Variants in RUVBL1 observed in about 807,000 individuals in gnomAD.
RUVBL1 encodes the protein ruvB-like 1.
Under a neutral mutation model 52.4 loss-of-function variants are expected in RUVBL1, and 4 were observed. That is an observed-to-expected ratio of 0.08 (90% CI 0.04 to 0.17). The LOEUF (loss-of-function observed/expected upper bound fraction) is 0.17. Among genes scored for constraint, RUVBL1 ranks in the 10% least tolerant of loss-of-function variants. The pLI, the probability that RUVBL1 is intolerant of heterozygous loss-of-function variation, is 1.00. For synonymous variants in RUVBL1, 217 were observed against 214.4 expected (o/e 1.01, Z -0.10); for missense variants, 298 against 572.8 (o/e 0.52, Z 4.90).
At chr3:128,080,614 C>G (rs571802846), downstream of RUVBL1, among the ~76,000 whole-genome samples, 4 of 152,210 alleles carry the variant, frequency 2.6e-5, no homozygotes, top group Non-Finnish European at 4.4e-5. Context: ...AGAAAAGCAT[C>G]AGACAAACCC....
chr3:128,127,974 G>A (rs1464799894), upstream of RUVBL1, among the ~76,000 whole-genome samples: 4 of 152,082 alleles, frequency 2.6e-5, no homozygotes, highest in African/African-American at 9.7e-5. Flanking sequence ...TCCAGCCTGG[G>A]CGACAGAGTG....
chr3:128,153,487 G>A (rs1175296844), exon 1 of RUVBL1: 2 of 1,476,910 alleles, frequency 1.4e-6, no homozygotes, highest in Non-Finnish European at 1.8e-6. Flanking sequence ...CCGGGCGGGT[G>A]TCCGAGGCGG....
chr3:128,149,801 A>G (rs1944159630), intron 1 of RUVBL1, among the ~76,000 whole-genome samples: 1 of 152,192 alleles, frequency 6.6e-6, no homozygotes, highest in Admixed American at 6.5e-5. Flanking sequence ...TGTAACACCA[A>G]TCTCAGCATT....
chr3:128,067,237 A>C lies in RUVBL1; in HGVS notation c.940-2017T>G. On this transcript the variant is annotated intron_variant, in intron 9 of 9. Transcript: ENST00000464873. This position sits in a 1 kb window ranked among gnomAD's most constrained non-coding sequence, Gnocchi z 4.1. ...TGTCTTGCTCATGAACAGATATTTCATCCAAAGATATTTTCCATTGTGCCT... is the reference window on the plus strand; with the variant it reads ...TGTCTTGCTCATGAACAGATATTTCCTCCAAAGATATTTTCCATTGTGCCT... 1 of 1,377,708 alleles carries C rather than the reference A, an allele frequency of 7.3e-7. No homozygotes were observed. The highest frequency in any genetic ancestry group is 1.0e-6 in the Non-Finnish European group (1 of 980,048). The allele number at this position is 1,377,708 out of a possible 1,614,324, so 85.3% of individuals were successfully genotyped here. A position where few individuals can be genotyped will look rare whatever the true frequency, so the allele number is the denominator to read the frequency against.
At position 128,082,854 on chromosome 3, in the gene RUVBL1, C is replaced by A. The variant is rs189075127; in HGVS notation, c.1120-280G>T. ...GGTGCCCAAGGAGGTATGCAGCTTC[C>A]CAAGTGGCTCACTCTTGCCTCCATG... On this transcript the variant is annotated intron_variant, in intron 9 of 10. Coordinates refer to ENST00000322623, the MANE Select transcript of RUVBL1 (RefSeq NM_003707.3). This position sits in a 1 kb window ranked among gnomAD's most constrained non-coding sequence, Gnocchi z 4.7. 5.8e-4 allele frequency: 175 copies of A among 303,340 alleles called. No individual in the cohort carries two copies. The East Asian group carries it at 0.012, about 21-fold the overall frequency. The allele number at this position is 303,340 out of a possible 1,614,324, so 18.8% of individuals were successfully genotyped here.
rs558962356 is a variant in RUVBL1 at position 128,065,867 on chromosome 3, G to A, written c.940-647C>T. ...AGCGATTCTCCTGCCTCAGCCTCCC[G>A]AGTAGATGGGATTACAGGTGCCTGT... On this transcript the variant is annotated intron_variant, in intron 9 of 9. Transcript: ENST00000464873. Among the ~76,000 whole-genome samples, 14 of 148,154 alleles carry A rather than the reference G, an allele frequency of 9.4e-5. No homozygotes were observed. In the South Asian group the frequency reaches 2.4e-3, roughly 25 times the overall value.
At chr3:128,150,830 TTATATATTCTATATATATTC>T (rs1944182473) in intron 1 of RUVBL1, among the ~76,000 whole-genome samples, 1 of 83,690 alleles carries the variant, frequency 1.2e-5, no homozygotes, top group African/African-American at 4.8e-5. Flanking sequence ...ATTCTATATA[TTATATATTCTATATATATTC>T]TATATATTAT....
In RUVBL1 at chr3:128,147,098, G is replaced by A. The variant is rs371707181; in HGVS notation, c.-40+6105C>T. On this transcript the variant is annotated intron_variant, in intron 1 of 9. Transcript: ENST00000464873. ...ACATTATAATTATTATTGAGACAAG[G>A]TTTTGCTCTGTTGCCCGGGCTGGGG... Among the ~76,000 whole-genome samples the A allele has an allele frequency of 1.1e-4, 17 of 152,302 alleles. No individual in the cohort carries two copies. The South Asian group carries it at 3.3e-3, about 30-fold the overall frequency.
intron 3 of RUVBL1, among the ~76,000 whole-genome samples, chr3:128,111,179 C>A (rs934515901): frequency 6.7e-6 from 1 of 149,166 alleles, no homozygotes; most frequent in Non-Finnish European, 1.5e-5. Context: ...GAGCTGAGAT[C>A]ACGCCACTGC....
At chr3:128,144,008 T>C (rs1944068128) in intron 1 of RUVBL1, among the ~76,000 whole-genome samples, 1 of 152,208 alleles carries the variant, frequency 6.6e-6, no homozygotes, top group Non-Finnish European at 1.5e-5. Context: ...CAGCCATGAT[T>C]TGAACCCGCG....
intron 1 of RUVBL1, among the ~76,000 whole-genome samples, chr3:128,121,757 C>T (rs1037180144): frequency 1.5e-4 from 23 of 151,424 alleles, no homozygotes; most frequent in Non-Finnish European, 2.9e-4. Flanking sequence ...TTCCACACAA[C>T]CCTGTCATAT....
chr3:128,105,217 A>G lies in RUVBL1; in HGVS notation c.362-293T>C, dbSNP rs553945442. 6.8e-3 allele frequency among the ~76,000 whole-genome samples: 1,001 copies of G among 147,640 alleles called. 4 individuals are homozygous for G. The highest frequency in any genetic ancestry group is 9.8e-3 in the Admixed American group (142 of 14,426). On this transcript the variant is annotated intron_variant, in intron 3 of 10. Coordinates refer to ENST00000322623, the MANE Select transcript of RUVBL1 (RefSeq NM_003707.3). ...AACCTCTGCCTCCCCGGTTCACTCC[A>G]TTCTCCTGCCTCAGCCTCCAGCCTC...
chr3:128,074,456 T>C (rs1052777559), intron 9 of RUVBL1, among the ~76,000 whole-genome samples: 3 of 152,120 alleles, frequency 2.0e-5, no homozygotes, highest in Non-Finnish European at 4.4e-5. Context: ...GCAATAGTAA[T>C]ATCCTTCACT....
intron 1 of RUVBL1, among the ~76,000 whole-genome samples, chr3:128,152,922 C>T (rs1175418574): frequency 4.1e-5 from 2 of 49,122 alleles, no homozygotes; most frequent in African/African-American, 7.8e-5. Flanking sequence ...CCGCCCCCCG[C>T]CGTCCCCCCG....
Position 128,086,932 on chromosome 3 carries a change from T to C in RUVBL1, c.1119+774A>G, listed in dbSNP as rs187445962. Among the ~76,000 whole-genome samples the C allele has an allele frequency of 3.3e-4, 50 of 152,376 alleles. 1 individual carries two copies. The East Asian group carries it at 6.9e-3, about 21-fold the overall frequency. On this transcript the variant is annotated intron_variant, in intron 9 of 10. Transcript: ENST00000322623. ...TTCAGCTCACGCAGACTTCAGGGCA[T>C]GCACGGTGTGCCAGCCACTGAGCTA...
chr3:128,129,601 A>C (rs1434705464), intron 1 of RUVBL1, among the ~76,000 whole-genome samples: 2 of 152,234 alleles, frequency 1.3e-5, no homozygotes, highest in Non-Finnish European at 2.9e-5. Flanking sequence ...TATTCCCAGT[A>C]GTAAAGAGGC....
intron 9 of RUVBL1, among the ~76,000 whole-genome samples, chr3:128,073,703 C>T (rs932461673): frequency 3.9e-5 from 6 of 152,216 alleles, no homozygotes; most frequent in Admixed American, 6.5e-5. Flanking sequence ...GGTGCCTCTC[C>T]TCTTAAAAGC....
Position 128,097,347 on chromosome 3 carries a change from G to T in RUVBL1, c.969C>A (p.Ile323=). Residue 323 remains isoleucine (I), a synonymous_variant, in exon 8 of 11, where the codon ATC becomes ATA. Coordinates refer to ENST00000322623, the MANE Select transcript of RUVBL1 (RefSeq NM_003707.3). The part of the protein sequence containing the change: ...TYLHRALESS[I]APIVIFASNR... ...TGGATGCAAAGATGACGATGGGAGC[G>T]ATAGAAGACTCCAGGGCGCGGTGCA... 16 of 1,614,204 alleles carry T rather than the reference G, an allele frequency of 9.9e-6. No homozygotes were observed. The highest frequency in any genetic ancestry group is 1.0e-5 in the Non-Finnish European group (12 of 1,180,036).
chr3:128,116,631 A>G (rs1943529592), intron 2 of RUVBL1, among the ~76,000 whole-genome samples: 1 of 152,048 alleles, frequency 6.6e-6, no homozygotes, highest in Non-Finnish European at 1.5e-5. Flanking sequence ...CCAAAAACTG[A>G]AACAACTTGG....
Sources: gnomAD v4.1 joint callset for allele counts (sites outside exome capture counted in the v4.1 genomes callset) on GRCh38, gnomAD v4.1.1 for gene constraint, Gnocchi (gnomAD v3.1) non-coding constraint, MANE v1.5 for transcripts, NCBI Gene and HGNC (gene_info 2026-07-23, HGNC 2026-07-21) for gene names.